The following USP42 variants were observed in gnomAD, a reference collection of about 807,000 sequenced individuals.
USP42 encodes the protein ubiquitin carboxyl-terminal hydrolase 42.
USP42 carries 23 observed loss-of-function variants against 113.0 expected under a neutral mutation model. That is an observed-to-expected ratio of 0.20 (90% CI 0.15 to 0.29). USP42 has a LOEUF of 0.29. Among genes scored for constraint, USP42 ranks in the 10% least tolerant of loss-of-function variants. The pLI is 1.00. For synonymous variants in USP42, 933 were observed against 699.0 expected, an observed-to-expected ratio of 1.33 and a Z score of -5.28; for missense variants, 2,174 against 1,779.8, an observed-to-expected ratio of 1.22 and a Z score of -3.99.
Position 6,111,325 on chromosome 7 carries a change from G to T in USP42, c.192G>T (p.Ser64=). ...CAGTACCTGGTGCTGTAGTTTATTCGAGTTCATCTGTACCTGATAAATCAA... is the reference window on the plus strand; with the variant it reads ...CAGTACCTGGTGCTGTAGTTTATTCTAGTTCATCTGTACCTGATAAATCAA... The part of the protein sequence containing the change: ...LGPVPGAVVY[S]SSSVPDKSKP... The change falls in exon 2 of 18, where the codon TCG becomes TCT. Residue 64 remains serine, a synonymous_variant. Coordinates refer to ENST00000306177, the MANE Select transcript of USP42 (RefSeq NM_032172.3). The T allele has an allele frequency of 6.2e-7, 1 of 1,610,216 alleles. No individual in the cohort carries two copies. Among genetic ancestry groups the T allele is most frequent in the Admixed American group, 1.7e-5 (1 of 59,274 alleles).
intron 14 of USP42, among the ~76,000 whole-genome samples, chr7:6,152,313 G>C (rs993218600): frequency 6.6e-6 from 1 of 152,166 alleles, no homozygotes; most frequent in Non-Finnish European, 1.5e-5. Context: ...GTGAAGTTCT[G>C]ATCAAATCAC....
rs143976376 is a variant in USP42 at position 6,113,666 on chromosome 7, G to A, written c.242-1657G>A. ...AGACGAAGTCTCTCTCTGTCGCCCAGGCTGGAGAGCAGTGTTGCAATCTCG... is the reference window on the plus strand; with the variant it reads ...AGACGAAGTCTCTCTCTGTCGCCCAAGCTGGAGAGCAGTGTTGCAATCTCG... On this transcript the variant is annotated intron_variant, in intron 2 of 17. Coordinates refer to ENST00000306177, the MANE Select transcript of USP42 (RefSeq NM_032172.3). Among the ~76,000 whole-genome samples, 1,406 of 151,688 alleles carry A rather than the reference G, an allele frequency of 9.3e-3. 16 individuals are homozygous for A. Among genetic ancestry groups the A allele is most frequent in the African/African-American group, 0.031 (1,293 of 41,280 alleles).
In USP42 at chr7:6,110,978, TAGAA is replaced by T. The variant is rs142429194; in HGVS notation, c.-9-144_-9-141del. ...CCCAAGGGGATTATTACAGAAATGT[TAGAA>T]AGTACTATTGTTTTTATATTTGAGT... On this transcript the variant is annotated intron_variant, in intron 1 of 17. Transcript: ENST00000306177. 1,142 of 736,300 alleles carry T rather than the reference TAGAA, an allele frequency of 1.6e-3. 17 individuals are homozygous for T. The East Asian group carries it at 0.029, about 19-fold the overall frequency. The allele number at this position is 736,300 out of a possible 1,614,324, so 45.6% of individuals were successfully genotyped here.
rs766755385 is a variant in USP42 at position 6,159,700 on chromosome 7, G to C, written c.*36+207G>C. On this transcript the variant is annotated intron_variant, in intron 17 of 17. Coordinates refer to ENST00000306177, the MANE Select transcript of USP42 (RefSeq NM_032172.3). This position sits in a 1 kb window ranked among gnomAD's most constrained non-coding sequence, Gnocchi z 4.1. ...CTAGACCCTCCACCTCATCACGTTT[G>C]CATTACTGGCTGGGGAAGACCCGCA... is the stretch of plus-strand genomic sequence containing the variant. Among the ~76,000 whole-genome samples the C allele has an allele frequency of 1.3e-5, 2 of 152,220 alleles. No individual in the cohort carries two copies. Among genetic ancestry groups the C allele is most frequent in the Non-Finnish European group, 2.9e-5 (2 of 68,040 alleles).
chr7:6,081,952 CATAAA>C, the USP42 span, among the ~76,000 whole-genome samples: 1 of 151,966 alleles, frequency 6.6e-6, no homozygotes, highest in Non-Finnish European at 1.5e-5. Flanking sequence ...CAGAACAACA[CATAAA>C]ATAACATATT....
Position 6,139,405 on chromosome 7 carries a change from G to C in USP42, c.656+211G>C. Reference sequence around the variant, plus strand: ...TGTGTCTTACGTAACAGTTTGAGTTGGCTCAATCATAGATGTCAGGAAATA... The same window carrying C: ...TGTGTCTTACGTAACAGTTTGAGTTCGCTCAATCATAGATGTCAGGAAATA... On this transcript the variant is annotated intron_variant, in intron 5 of 17. Transcript: ENST00000306177. This position sits in a 1 kb window ranked among gnomAD's most constrained non-coding sequence, Gnocchi z 4.5. The C allele has an allele frequency of 2.3e-6, 1 of 441,924 alleles. No homozygotes were observed. Among genetic ancestry groups the C allele is most frequent in the Non-Finnish European group, 4.0e-6 (1 of 251,284 alleles). The allele number at this position is 441,924 out of a possible 1,614,324, so 27.4% of individuals were successfully genotyped here.
At position 6,156,826 on chromosome 7, in the gene USP42, GAAA is replaced by G. The variant is rs1314964303; in HGVS notation, c.3717_3719del (p.Lys1241del). The G allele has an allele frequency of 6.2e-7, 1 of 1,608,568 alleles. No individual in the cohort carries two copies. The highest frequency in any genetic ancestry group is 8.5e-7 in the Non-Finnish European group (1 of 1,178,486). ...TCCACAGACACAAAAAAAAGAAGAA[GAAA>G]AAGAAGAGACATTCAAGAAAATCAG... On this transcript the variant is annotated inframe_deletion, in exon 16 of 18. Coordinates refer to ENST00000306177, the MANE Select transcript of USP42 (RefSeq NM_032172.3).
chr7:6,118,601 A>T (rs1780040709), intron 3 of USP42, among the ~76,000 whole-genome samples: 1 of 151,362 alleles, frequency 6.6e-6, no homozygotes, highest in Non-Finnish European at 1.5e-5. Context: ...TTTCTTCTAG[A>T]AGTCTTAAAG....
In USP42 at chr7:6,154,104, A is replaced by G. The variant is rs751224591; in HGVS notation, c.2550A>G (p.Glu850=). 1.2e-6 allele frequency: 2 copies of G among 1,603,850 alleles called. No individual in the cohort carries two copies. The highest frequency in any genetic ancestry group is 8.5e-7 in the Non-Finnish European group (1 of 1,177,974). Residue 850 remains glutamate, a synonymous_variant, in exon 15 of 18, where the codon GAA becomes GAG. Transcript: ENST00000306177. Reference sequence around the variant, plus strand: ...GCCCGCGGGACTCGGCGTTGGCGGAAGCCCCGGAAGGGTTGAGTCCGGCTC... The same window carrying G: ...GCCCGCGGGACTCGGCGTTGGCGGAGGCCCCGGAAGGGTTGAGTCCGGCTC... ...AEGPRDSALA[E]APEGLSPAPP... is the part of the protein sequence containing the mutation.
chr7:6,133,634 A>C (rs1199687613), intron 3 of USP42, among the ~76,000 whole-genome samples: 1 of 151,466 alleles, frequency 6.6e-6, no homozygotes, highest in Admixed American at 6.6e-5. Flanking sequence ...CCCATCCCAC[A>C]TCAGCCTCTG....
chr7:6,146,347 A>G (rs1284615600), intron 11 of USP42, 99 bp downstream of exon 11: 2 of 833,770 alleles, frequency 2.4e-6, no homozygotes, highest in African/African-American at 3.5e-5. Context: ...TAAAAAAAAA[A>G]AAAAACCCAG....
rs772473710 is a variant in USP42, at chr7:6,154,560, C to T, written c.3006C>T (p.His1002=). Residue 1002 remains histidine (H), a synonymous_variant, in exon 15 of 18, where the codon CAC becomes CAT. Transcript: ENST00000306177. ...ACGCCCCGGAGCACCACCCCGGCCA[C>T]GGCGACAGGCTCAGCCCTGGCGAGC... ...DRHAPEHHPG[H]GDRLSPGERR... is the part of the protein sequence containing the mutation. 6.4e-7 allele frequency: 1 copy of T among 1,551,766 alleles called. No individual in the cohort carries two copies. Among genetic ancestry groups the T allele is most frequent in the African/African-American group, 1.4e-5 (1 of 73,190 alleles).
chr7:6,156,845 A>G lies in USP42; in HGVS notation c.3733A>G (p.Arg1245Gly), dbSNP rs373494515. The G allele has an allele frequency of 2.5e-5, 41 of 1,609,774 alleles. No homozygotes were observed. In the African/African-American group the frequency reaches 4.0e-4, roughly 16 times the overall value. ...KKKKKKKRHS[R>G]KSEDFVKDSE... ...GAAGAAGAAAAAGAAGAGACATTCA[A>G]GAAAATCAGAGGACTTTGTTAAAGA... The change falls in exon 16 of 18, where the codon AGA becomes GGA. Residue 1245 changes from arginine (R) to glycine (G), a missense_variant. Arg to Gly is a moderately radical substitution (Grantham distance 125, BLOSUM62 -2). Coordinates refer to ENST00000306177, the MANE Select transcript of USP42 (RefSeq NM_032172.3).
chr7:6,139,190 A>G lies in USP42; in HGVS notation c.652A>G (p.Asn218Asp). The change falls in exon 5 of 18, where the codon AAT becomes GAT. Residue 218 changes from asparagine (N) to aspartate (D), a missense_variant. Transcript: ENST00000306177. The surrounding 1 kb of genome is among the most constrained non-coding windows in gnomAD (Gnocchi z 4.5). ...AMQKACLNGS[N>D]KLDRHTQATT... ...GCAGAAAGCATGCTTGAATGGCAGC[A>G]ATAAGTAAGTACAACAGAGCGCCAG... The G allele has an allele frequency of 1.2e-6, 2 of 1,600,432 alleles. No individual in the cohort carries two copies. The highest frequency in any genetic ancestry group is 1.7e-6 in the Non-Finnish European group (2 of 1,173,148).
chr7:6,154,538 C>G lies in USP42; in HGVS notation c.2984C>G (p.Ala995Gly), dbSNP rs749539831. ...PRERDRQDRH[A>G]PEHHPGHGDR... The stretch of plus-strand genomic sequence containing the variant: ...GAGCGCGACCGCCAGGACCGCCACG[C>G]CCCGGAGCACCACCCCGGCCACGGC... The change falls in exon 15 of 18, where the codon GCC becomes GGC. Residue 995 changes from alanine to glycine, a missense_variant. Coordinates refer to ENST00000306177, the MANE Select transcript of USP42 (RefSeq NM_032172.3). 6.5e-7 allele frequency: 1 copy of G among 1,545,140 alleles called. No homozygotes were observed. Among genetic ancestry groups the G allele is most frequent in the Non-Finnish European group, 8.7e-7 (1 of 1,146,278 alleles).
Position 6,139,043 on chromosome 7 carries a change from G to T in USP42, c.554-49G>T. On this transcript the variant is annotated intron_variant, in intron 4 of 17. Transcript: ENST00000306177. The surrounding 1 kb of genome is among the most constrained non-coding windows in gnomAD (Gnocchi z 4.5). ...GATATATTTTGGGGGGTACAACTTA[G>T]GCTTATTACGTGTAATGATAAAGCC... 1.6e-6 allele frequency: 2 copies of T among 1,289,884 alleles called. No homozygotes were observed. Among genetic ancestry groups the T allele is most frequent in the South Asian group, 2.7e-5 (2 of 74,160 alleles). The allele number at this position is 1,289,884 out of a possible 1,614,324, so 79.9% of individuals were successfully genotyped here.
chr7:6,129,519 T>C (rs1780726620), intron 3 of USP42, among the ~76,000 whole-genome samples: 1 of 141,664 alleles, frequency 7.1e-6, no homozygotes, highest in African/African-American at 2.7e-5. Context: ...ATTGTGCTAC[T>C]GCACTCCAGG....
At chr7:6,124,242 T>C (rs1036850648) in intron 3 of USP42, among the ~76,000 whole-genome samples, 4 of 152,072 alleles carry the variant, frequency 2.6e-5, no homozygotes, top group Admixed American at 2.6e-4. Context: ...CTTTAACTTA[T>C]TTTTGTCTGT....
chr7:6,155,272 C>T (rs1782380097), intron 15 of USP42, 77 bp downstream of exon 15: 23 of 1,443,730 alleles, frequency 1.6e-5, no homozygotes, highest in Non-Finnish European at 2.1e-5. Context: ...TCACTCGACT[C>T]AGGAACAAGT....
Sources: allele counts gnomAD v4.1 joint callset (sites outside exome capture counted in the v4.1 genomes callset), GRCh38; gene constraint gnomAD v4.1.1; non-coding constraint Gnocchi (gnomAD v3.1); transcripts MANE v1.5; gene names NCBI Gene and HGNC (gene_info 2026-07-23, HGNC 2026-07-21).